Variants in WWOX observed in about 807,000 individuals in gnomAD.
WWOX encodes WW domain containing oxidoreductase.
Under a neutral mutation model 46.2 loss-of-function variants are expected in WWOX, and 69 were observed. That is an observed-to-expected ratio of 1.49 (90% CI 1.23 to 1.82). The LOEUF is 1.82. WWOX is among the 40% of genes most tolerant of loss of function. The pLI is 0.00. For missense variants in WWOX, 919 were observed against 542.6 expected (o/e 1.69, Z -6.89); for synonymous variants, 359 against 202.6 (o/e 1.77, Z -6.56).
chr16:78,804,331 C>T lies in WWOX; in HGVS notation c.1056+371579C>T, dbSNP rs369244860. ...TGGGCCATTGAAAACTCATTACAAG[C>T]TGTTTAGACTCTGACTTTGACTTTT... On this transcript the variant is annotated intron_variant, in intron 8 of 8. Transcript: ENST00000566780. Among the ~76,000 whole-genome samples, 27 of 151,860 alleles carry T rather than the reference C, an allele frequency of 1.8e-4. 1 individual carries two copies. In the East Asian group the frequency reaches 3.3e-3, roughly 19 times the overall value.
intron 8 of WWOX, among the ~76,000 whole-genome samples, chr16:79,127,371 C>T (rs960284584): frequency 2.0e-5 from 3 of 152,138 alleles, no homozygotes; most frequent in African/African-American, 7.2e-5. Context: ...CTTCACTTTG[C>T]TATACACACC....
chr16:78,626,185 C>T (rs1006142558), intron 8 of WWOX, among the ~76,000 whole-genome samples: 1 of 151,628 alleles, frequency 6.6e-6, no homozygotes, highest in African/African-American at 2.4e-5. Context: ...GGATGGAGTG[C>T]AGTGGCGCGA....
At chr16:78,421,267 C>T (rs961134523) in intron 6 of WWOX, among the ~76,000 whole-genome samples, 1 of 152,174 alleles carries the variant, frequency 6.6e-6, no homozygotes, top group South Asian at 2.1e-4. Flanking sequence ...TTGGCTCCTT[C>T]TGGAGGCTGG....
chr16:78,929,118 C>T (rs545631822), intron 8 of WWOX, among the ~76,000 whole-genome samples: 38 of 152,254 alleles, frequency 2.5e-4, no homozygotes, highest in South Asian at 4.1e-4. Context: ...ATGTATTTAA[C>T]GCTCTCTCAA....
chr16:79,036,321 G>C (rs544406057), intron 8 of WWOX, among the ~76,000 whole-genome samples: 2 of 152,242 alleles, frequency 1.3e-5, no homozygotes, highest in African/African-American at 4.8e-5. Context: ...CTGAAAAATC[G>C]AAAACTCATC....
chr16:78,354,886 C>G (rs1277015476), intron 5 of WWOX, among the ~76,000 whole-genome samples: 1 of 152,156 alleles, frequency 6.6e-6, no homozygotes, highest in Non-Finnish European at 1.5e-5. Context: ...ATAATCCCAA[C>G]ACTTTTGGAG....
At chr16:78,474,629 C>G (rs2084312678) in intron 8 of WWOX, among the ~76,000 whole-genome samples, 1 of 151,944 alleles carries the variant, frequency 6.6e-6, no homozygotes, top group Non-Finnish European at 1.5e-5. Flanking sequence ...TTAAAGTGTA[C>G]AATTCAATGG....
intron 5 of WWOX, chr16:78,281,038 A>G (rs1255749974): frequency 6.6e-6 from 1 of 152,272 alleles, no homozygotes; most frequent in Non-Finnish European, 1.5e-5. Flanking sequence ...TACTAAAAAC[A>G]GAAGGCTATA....
intron 5 of WWOX, among the ~76,000 whole-genome samples, chr16:78,306,384 T>G (rs1416322278): frequency 6.6e-6 from 1 of 152,182 alleles, no homozygotes; most frequent in East Asian, 1.9e-4. Flanking sequence ...GCTGAAGATT[T>G]TCTTTCCCAT....
intron 8 of WWOX, among the ~76,000 whole-genome samples, chr16:78,837,627 A>G (rs1170764002): frequency 6.6e-6 from 1 of 152,186 alleles, no homozygotes; most frequent in Non-Finnish European, 1.5e-5. Context: ...GTTCTTACCT[A>G]GAAACTGTTT....
chr16:78,499,238 G>C (rs1299765664), intron 8 of WWOX, among the ~76,000 whole-genome samples: 1 of 151,960 alleles, frequency 6.6e-6, no homozygotes, highest in African/African-American at 2.4e-5. Flanking sequence ...GGGGGGGTGA[G>C]GGGGCGGAGG....
In WWOX at chr16:79,034,607, C is replaced by A. The variant is rs552806238; in HGVS notation, c.1057-177001C>A. 6.6e-5 allele frequency among the ~76,000 whole-genome samples: 10 copies of A among 152,212 alleles called. No individual in the cohort carries two copies. In the South Asian group the frequency reaches 1.9e-3, roughly 28 times the overall value. On this transcript the variant is annotated intron_variant, in intron 8 of 8. Coordinates refer to ENST00000566780, the MANE Select transcript of WWOX (RefSeq NM_016373.4). The stretch of plus-strand genomic sequence containing the variant: ...TTCTGTTGTGGAGTGATTATCTGTT[C>A]CTGGATTGTCTCAAAGGCATTAATC...
intron 8 of WWOX, among the ~76,000 whole-genome samples, chr16:78,922,269 G>A (rs2045396377): frequency 6.6e-6 from 1 of 152,096 alleles, no homozygotes; most frequent in Non-Finnish European, 1.5e-5. Flanking sequence ...TTACATGGGT[G>A]TAGTTAGGCC....
intron 4 of WWOX, 125 bp from the exon 5 acceptor site, chr16:78,164,058 G>A (rs868856642): frequency 1.1e-6 from 1 of 876,250 alleles, no homozygotes; most frequent in Middle Eastern, 2.2e-4. Flanking sequence ...CTGTCCCCTG[G>A]GGATCAAAAT....
At chr16:78,432,210 C>T (rs1269520913) in intron 7 of WWOX, among the ~76,000 whole-genome samples, 1 of 151,986 alleles carries the variant, frequency 6.6e-6, no homozygotes, top group African/African-American at 2.4e-5. Context: ...CTCTGCCTCC[C>T]ATGTTTCAGT....
intron 8 of WWOX, among the ~76,000 whole-genome samples, chr16:78,942,411 G>A (rs1047928463): frequency 2.6e-5 from 4 of 152,224 alleles, no homozygotes; most frequent in Non-Finnish European, 1.5e-5. Context: ...GAGCAGTTTT[G>A]AGGACACACT....
intron 8 of WWOX, among the ~76,000 whole-genome samples, chr16:78,679,466 A>C (rs1376880531): frequency 1.3e-5 from 2 of 152,122 alleles, no homozygotes; most frequent in African/African-American, 4.8e-5. Context: ...CAGGAGAGTC[A>C]CTTGATCCCG....
At chr16:79,163,611 C>G (rs993107687) in intron 8 of WWOX, among the ~76,000 whole-genome samples, 1 of 151,976 alleles carries the variant, frequency 6.6e-6, no homozygotes, top group African/African-American at 2.4e-5. Flanking sequence ...CTAGCCTGCC[C>G]AAAATGGAGA....
chr16:78,790,909 C>T (rs1225408896), intron 8 of WWOX, among the ~76,000 whole-genome samples: 1 of 149,204 alleles, frequency 6.7e-6, no homozygotes, highest in Non-Finnish European at 1.5e-5. Flanking sequence ...GTCCCAGCTA[C>T]TCAGGAGGCT....
Sources: allele counts gnomAD v4.1 joint callset (sites outside exome capture counted in the v4.1 genomes callset), GRCh38; gene constraint gnomAD v4.1.1; transcripts MANE v1.5; gene names NCBI Gene and HGNC (gene_info 2026-07-23, HGNC 2026-07-21).